KCNJ4: variants seen among roughly 807,000 people sequenced by gnomAD.
KCNJ4 encodes potassium inwardly rectifying channel subfamily J member 4.
Under a neutral mutation model 25.6 loss-of-function variants are expected in KCNJ4, and 3 were observed. That is an observed-to-expected ratio of 0.12 (90% CI 0.05 to 0.30). The LOEUF (loss-of-function observed/expected upper bound fraction) is 0.30, where lower values mean the gene tolerates loss of function less well. Among genes scored for constraint, KCNJ4 ranks in the 10% least tolerant of loss-of-function variants. KCNJ4 has a pLI of 1.00. For synonymous variants in KCNJ4, 257 were observed against 283.9 expected, an observed-to-expected ratio of 0.91 and a Z score of 0.95; for missense variants, 286 against 666.8, an observed-to-expected ratio of 0.43 and a Z score of 6.29.
In KCNJ4 at chr22:38,426,896, T is replaced by C. The variant is rs1437480763; in HGVS notation, c.1237A>G (p.Ile413Val). 1 of 1,613,022 alleles carries C rather than the reference T, an allele frequency of 6.2e-7. No homozygotes were observed. The highest frequency in any genetic ancestry group is 2.2e-5 in the East Asian group (1 of 44,840). The change falls in exon 2 of 2, where the codon ATC (isoleucine) becomes GTC (valine). Residue 413 changes from isoleucine to valine, a missense_variant. By Grantham distance (29) the Ile-to-Val change is conservative. This residue lies in a region of KCNJ4 where 77 missense variants were observed against 97.6 expected (regional missense o/e 0.79). Transcript: ENST00000303592. ...LEAGSKEEAG[I>V]IRMLEFGSHL... is the part of the protein sequence containing the mutation. ...CTGCCGAACTCCAGCATCCGGATGA[T>C]GCCCGCCTCCTCCTTGGAACCCGCC...
Position 38,426,762 on chromosome 22 carries a change from C to T in KCNJ4, c.*33G>A. On this transcript the variant is annotated 3_prime_UTR_variant, in exon 2 of 2. Transcript: ENST00000303592. ...TGGCATCCCACCCCCGGCAGAGGCT[C>T]TTGTGGGCAGTGGTGAGGGCCGGGC... is the stretch of plus-strand genomic sequence containing the variant. The T allele has an allele frequency of 1.3e-6, 2 of 1,577,058 alleles. No individual in the cohort carries two copies. Among genetic ancestry groups the T allele is most frequent in the Non-Finnish European group, 1.7e-6 (2 of 1,158,956 alleles).
intron 1 of KCNJ4, among the ~76,000 whole-genome samples, chr22:38,441,350 G>T (rs113752600): frequency 1.3e-3 from 194 of 152,292 alleles, no homozygotes; most frequent in African/African-American, 4.5e-3. Flanking sequence ...CTGGGCGGGG[G>T]TCAGGGAAGT....
intron 1 of KCNJ4, among the ~76,000 whole-genome samples, chr22:38,432,738 G>A (rs1391693661): frequency 6.6e-6 from 1 of 152,162 alleles, no homozygotes; most frequent in African/African-American, 2.4e-5. Flanking sequence ...GGAGGCAGAG[G>A]CAGGCGGATC....
chr22:38,454,717 C>T (rs2086426184), intron 1 of KCNJ4, among the ~76,000 whole-genome samples: 1 of 152,090 alleles, frequency 6.6e-6, no homozygotes, highest in Non-Finnish European at 1.5e-5. Flanking sequence ...GGTCAAGACC[C>T]CTTCCACCCA....
chr22:38,450,440 C>G (rs1484378045), intron 1 of KCNJ4, among the ~76,000 whole-genome samples: 1 of 152,136 alleles, frequency 6.6e-6, no homozygotes, highest in African/African-American at 2.4e-5. Flanking sequence ...TCTCCAAGAC[C>G]CTCTCCTGCC....
intron 1 of KCNJ4, among the ~76,000 whole-genome samples, chr22:38,432,650 C>T (rs996936594): frequency 2.0e-5 from 3 of 152,150 alleles, no homozygotes; most frequent in African/African-American, 7.2e-5. Flanking sequence ...GTGCAGGCCA[C>T]TAGCCCATGG....
At chr22:38,454,132 C>T (rs2089424853) in intron 1 of KCNJ4, among the ~76,000 whole-genome samples, 1 of 152,186 alleles carries the variant, frequency 6.6e-6, no homozygotes, top group Non-Finnish European at 1.5e-5. Context: ...CCCCACTTCC[C>T]CCAAACCTGC....
chr22:38,437,833 T>C (rs1278725212), intron 1 of KCNJ4, among the ~76,000 whole-genome samples: 2 of 152,068 alleles, frequency 1.3e-5, no homozygotes, highest in African/African-American at 2.4e-5. Flanking sequence ...TCGGGCGCAG[T>C]GGCTCATGCC....
At chr22:38,446,737 A>T (rs1602643930) in intron 1 of KCNJ4, among the ~76,000 whole-genome samples, 1 of 152,050 alleles carries the variant, frequency 6.6e-6, no homozygotes, top group Non-Finnish European at 1.5e-5. Context: ...GATGGATCAC[A>T]TGAGGGTCAG....
At chr22:38,434,241 T>C (rs143602926) in intron 1 of KCNJ4, among the ~76,000 whole-genome samples, 1 of 151,564 alleles carries the variant, frequency 6.6e-6, no homozygotes, top group East Asian at 2.0e-4. Flanking sequence ...GTGACTATTA[T>C]TGGGTGAGAC....
At chr22:38,435,968 G>T (rs1251780503) in intron 1 of KCNJ4, among the ~76,000 whole-genome samples, 2 of 152,112 alleles carry the variant, frequency 1.3e-5, no homozygotes, top group African/African-American at 4.8e-5. Context: ...ACCTGCCACT[G>T]CCCTCTGCAG....
In KCNJ4 at chr22:38,443,071, C is replaced by T. The variant is rs2089348546; in HGVS notation, c.-40+11909G>A. 1.3e-5 allele frequency among the ~76,000 whole-genome samples: 2 copies of T among 152,136 alleles called. No homozygotes were observed. Among genetic ancestry groups the T allele is most frequent in the Non-Finnish European group, 2.9e-5 (2 of 68,022 alleles). On this transcript the variant is annotated intron_variant, in intron 1 of 1. Coordinates refer to ENST00000303592, the MANE Select transcript of KCNJ4 (RefSeq NM_152868.3). This position sits in a 1 kb window ranked among gnomAD's most constrained non-coding sequence, Gnocchi z 4.1. ...TGAAGGGCATGACTTACTCTCCACT[C>T]TTCCTCACCTCCTAGTCTCCCCTCA...
At position 38,446,892 on chromosome 22, in the gene KCNJ4, T is replaced by A. The variant is rs192069039; in HGVS notation, c.-40+8088A>T. Among the ~76,000 whole-genome samples the A allele has an allele frequency of 2.9e-3, 428 of 146,248 alleles. 5 individuals are homozygous for A. The highest frequency in any genetic ancestry group is 0.011 in the African/African-American group (418 of 39,580). ...AATTGCTTGAACTGGGAGGCGGAGGTTGCAGTAAGCTGAGATCGCGCCACT... is the reference window on the plus strand; with the variant it reads ...AATTGCTTGAACTGGGAGGCGGAGGATGCAGTAAGCTGAGATCGCGCCACT... On this transcript the variant is annotated intron_variant, in intron 1 of 1. Transcript: ENST00000303592.
chr22:38,434,535 G>A (rs1412284960), intron 1 of KCNJ4, among the ~76,000 whole-genome samples: 1 of 152,142 alleles, frequency 6.6e-6, no homozygotes, highest in African/African-American at 2.4e-5. Context: ...TGCTGAGCTT[G>A]AGCTGGAAAT....
intron 1 of KCNJ4, among the ~76,000 whole-genome samples, chr22:38,440,711 G>A: frequency 6.6e-6 from 1 of 152,178 alleles, no homozygotes; most frequent in Non-Finnish European, 1.5e-5. Flanking sequence ...GTAGCTTGGA[G>A]CTACCAGGAT....
chr22:38,449,913 C>T lies in KCNJ4; in HGVS notation c.-40+5067G>A, dbSNP rs2089400133. ...AGCAAGCCAGAGCGTGAGCTCACCC[C>T]TGCTCCCCATGCTGCACCCCACCCA... is the stretch of plus-strand genomic sequence containing the variant. On this transcript the variant is annotated intron_variant, in intron 1 of 1. Coordinates refer to ENST00000303592, the MANE Select transcript of KCNJ4 (RefSeq NM_152868.3). The surrounding 1 kb of genome is among the most constrained non-coding windows in gnomAD (Gnocchi z 5.2). Among the ~76,000 whole-genome samples, 1 of 152,232 alleles carries T rather than the reference C, an allele frequency of 6.6e-6. No homozygotes were observed. Among genetic ancestry groups the T allele is most frequent in the African/African-American group, 2.4e-5 (1 of 41,472 alleles).
At chr22:38,428,852 A>G (rs1281745863) in intron 1 of KCNJ4, among the ~76,000 whole-genome samples, 1 of 151,930 alleles carries the variant, frequency 6.6e-6, no homozygotes, top group Non-Finnish European at 1.5e-5. Context: ...TAGGAGGCCG[A>G]GATGCAAAGA....
chr22:38,440,874 G>C (rs921701883), intron 1 of KCNJ4, among the ~76,000 whole-genome samples: 1 of 152,340 alleles, frequency 6.6e-6, no homozygotes, highest in Admixed American at 6.5e-5. Context: ...ACGGTTTCTA[G>C]TGTGCAGTGG....
chr22:38,440,823 G>A (rs983137935), intron 1 of KCNJ4, among the ~76,000 whole-genome samples: 1 of 152,204 alleles, frequency 6.6e-6, no homozygotes, highest in Non-Finnish European at 1.5e-5. Context: ...AGAGTGGCCT[G>A]TAGTGGTGGA....
Sources: gnomAD v4.1 joint callset for allele counts (sites outside exome capture counted in the v4.1 genomes callset) on GRCh38, gnomAD v4.1.1 for gene constraint, gnomAD v4.1.1 regional missense constraint, Gnocchi (gnomAD v3.1) non-coding constraint, MANE v1.5 for transcripts, NCBI Gene and HGNC (gene_info 2026-07-23, HGNC 2026-07-21) for gene names.